ABCA10: variants seen among roughly 807,000 people sequenced by gnomAD.
The protein encoded by ABCA10 is ATP binding cassette subfamily A member 10, also known as ATP-binding cassette sub-family A member 10.
A neutral mutation model predicts 187.5 loss-of-function variants in ABCA10; 169 were observed. That is an observed-to-expected ratio of 0.90 (90% confidence interval 0.80 to 1.02). The LOEUF is 1.02. Ranked by LOEUF, ABCA10 falls within the 50% of genes least tolerant of loss-of-function variation. ABCA10 has a pLI of 0.00. For synonymous variants in ABCA10, 574 were observed against 601.8 expected, an observed-to-expected ratio of 0.95 and a Z score of 0.68; for missense variants, 1,727 against 1,812.4, an observed-to-expected ratio of 0.95 and a Z score of 0.86.
rs1264233769 is a variant in ABCA10 at position 69,156,012 on chromosome 17, C to G, written c.3456-87G>C. On this transcript the variant is annotated intron_variant, in intron 28 of 38. Transcript: ENST00000690296. ...TAAACCCCTATAATTAAATTATTAT[C>G]CTTTTTAAAAAAGACTATCACATCA... is the stretch of plus-strand genomic sequence containing the variant. The G allele has an allele frequency of 2.2e-6, 3 of 1,391,250 alleles. No individual in the cohort carries two copies. The Admixed American group carries it at 7.1e-5, about 33-fold the overall frequency. The allele number at this position is 1,391,250 out of a possible 1,614,324, so 86.2% of individuals were successfully genotyped here.
At chr17:69,199,938 G>A (rs1281997582) in intron 10 of ABCA10, among the ~76,000 whole-genome samples, 2 of 152,122 alleles carry the variant, frequency 1.3e-5, no homozygotes, top group Non-Finnish European at 2.9e-5. Flanking sequence ...TTTCATGCAG[G>A]AGATAGGACT....
intron 1 of ABCA10, among the ~76,000 whole-genome samples, chr17:69,227,849 T>A (rs909476594): frequency 6.6e-6 from 1 of 151,912 alleles, no homozygotes; most frequent in African/African-American, 2.4e-5. Context: ...AATCTCCATT[T>A]ATGAAGTAAA....
At chr17:69,222,784 T>A in intron 3 of ABCA10, 87 bp from the exon 4 acceptor site, 2 of 1,239,732 alleles carry the variant, frequency 1.6e-6, no homozygotes, top group Non-Finnish European at 2.2e-6. Context: ...TTGTTTTATA[T>A]AAAATTAGTG....
In ABCA10 at chr17:69,188,503, CT is replaced by C. The variant is rs371268131; in HGVS notation, c.2132-625del. On this transcript the variant is annotated intron_variant, in intron 18 of 38. Coordinates refer to ENST00000690296, the MANE Select transcript of ABCA10 (RefSeq NM_001377321.1). ...CTGGTATCTAGTAGCCTCCTAAATT[CT>C]TTTTTTTCTTTCCAATTTTTATTTT... is the stretch of plus-strand genomic sequence containing the variant. Among the ~76,000 whole-genome samples the C allele has an allele frequency of 9.1e-3, 1,363 of 149,968 alleles. 17 individuals are homozygous for C. Among genetic ancestry groups the C allele is most frequent in the African/African-American group, 0.032 (1,308 of 40,642 alleles).
At chr17:69,229,015 T>C (rs2074813876), upstream of ABCA10, among the ~76,000 whole-genome samples, 1 of 152,012 alleles carries the variant, frequency 6.6e-6, no homozygotes, top group Non-Finnish European at 1.5e-5. Flanking sequence ...AAAGATAAAG[T>C]TGAACAGAGA....
At chr17:69,174,074 C>G (rs774144501) in intron 25 of ABCA10, among the ~76,000 whole-genome samples, 1 of 151,652 alleles carries the variant, frequency 6.6e-6, no homozygotes, top group Non-Finnish European at 1.5e-5. Context: ...AAAAAGAAAC[C>G]TCAAAGAACA....
chr17:69,222,794 G>T, intron 3 of ABCA10, 97 bp from the exon 4 acceptor site: 1 of 1,127,460 alleles, frequency 8.9e-7, no homozygotes, highest in Non-Finnish European at 1.2e-6. Flanking sequence ...TAAAATTAGT[G>T]GTATTATATA....
intron 22 of ABCA10, among the ~76,000 whole-genome samples, chr17:69,181,449 T>C (rs1163158759): frequency 2.0e-5 from 3 of 151,976 alleles, no homozygotes; most frequent in Non-Finnish European, 1.5e-5. Context: ...GCTCTTCTAA[T>C]GTTCTGTGTT....
intron 25 of ABCA10, among the ~76,000 whole-genome samples, chr17:69,166,314 G>C (rs1598091813): frequency 6.7e-6 from 1 of 148,584 alleles, no homozygotes; most frequent in East Asian, 2.0e-4. Flanking sequence ...GTTCTCCCAA[G>C]AAGCAGAGAA....
chr17:69,193,919 T>C lies in ABCA10; in HGVS notation c.1416A>G (p.Gly472=). 1 of 1,612,746 alleles carries C rather than the reference T, an allele frequency of 6.2e-7. No individual in the cohort carries two copies. Among genetic ancestry groups the C allele is most frequent in the Non-Finnish European group, 8.5e-7 (1 of 1,178,986 alleles). The change falls in exon 13 of 39, where the codon GGA becomes GGG. Residue 472 remains glycine (G), a synonymous_variant. Transcript: ENST00000690296. ...TDMEEIRKNI[G]FCPQFNFQFD... ...ATTGAAAATTGAACTGTGGACAAAATCCAATATTCTTTCTAATTTCTTCCA... is the reference window on the plus strand; with the variant it reads ...ATTGAAAATTGAACTGTGGACAAAACCCAATATTCTTTCTAATTTCTTCCA...
rs2074476791 is a variant in ABCA10 at position 69,193,503 on chromosome 17, C to T, written c.1631G>A (p.Gly544Glu). ...RKLTLGIAIL[G>E]DPQVLLLDEP... ...TATTTTTTCTCTCACCTGAGGATCT[C>T]CTAAGATGGCAATCCCTAGTGTTAG... Residue 544 changes from glycine (G) to glutamate (E), a missense_variant, in exon 14 of 39, where the codon GGA becomes GAA. By Grantham distance (98) the Gly-to-Glu change is moderately conservative. Coordinates refer to ENST00000690296, the MANE Select transcript of ABCA10 (RefSeq NM_001377321.1). 1 of 1,612,952 alleles carries T rather than the reference C, an allele frequency of 6.2e-7. No individual in the cohort carries two copies.
chr17:69,229,930 AT>A (rs2074819436), upstream of ABCA10, among the ~76,000 whole-genome samples: 2 of 152,054 alleles, frequency 1.3e-5, no homozygotes, highest in African/African-American at 4.8e-5. Context: ...TTTTTAAAAT[AT>A]TTTTTATTTC....
At position 69,152,471 on chromosome 17, in the gene ABCA10, G is replaced by T. The variant is rs993824419; in HGVS notation, c.4147C>A (p.Gln1383Lys). ...CTCTCCTTGTTTTTAACGGTAGCCT[G>T]AAGTATCTGCCTAAAGATAAAGTAA... ...EGQQQMWQIL[Q>K]ATVKNKERGT... The change falls in exon 35 of 39, where the codon CAG becomes AAG. Residue 1383 changes from glutamine to lysine, a missense_variant. Physicochemically the swap from Gln to Lys is moderately conservative, Grantham distance 53. Coordinates refer to ENST00000690296, the MANE Select transcript of ABCA10 (RefSeq NM_001377321.1). 6.2e-7 allele frequency: 1 copy of T among 1,612,510 alleles called. No individual in the cohort carries two copies. The highest frequency in any genetic ancestry group is 8.5e-7 in the Non-Finnish European group (1 of 1,179,418).
At chr17:69,153,642 T>G (rs770745402) in intron 32 of ABCA10, 96 bp from the exon 33 acceptor site, 58 of 1,499,808 alleles carry the variant, frequency 3.9e-5, no homozygotes, top group Non-Finnish European at 4.9e-5. Context: ...TTCTAGATAG[T>G]AAATTTAAGC....
Position 69,214,731 on chromosome 17 carries a change from T to C in ABCA10, c.979A>G (p.Thr327Ala). 6.6e-7 allele frequency: 1 copy of C among 1,515,370 alleles called. No homozygotes were observed. Among genetic ancestry groups the C allele is most frequent in the African/African-American group, 1.5e-5 (1 of 68,008 alleles). 93.9% of individuals were successfully genotyped at this position (1,515,370 alleles called of 1,614,324 possible). A position where few individuals can be genotyped will look rare whatever the true frequency, so the allele number is the denominator to read the frequency against. The part of the protein sequence containing the change: ...AFDTLFYLIF[T>A]LYFERVLPDK... ...GGTAAAACTCGCTCAAAATATAATG[T>C]GAATATCAAATAGAAAAGAGTATCA... The change falls in exon 9 of 39, where the codon ACA (threonine) becomes GCA (alanine). Residue 327 changes from threonine (T) to alanine (A), a missense_variant. Thr to Ala is a moderately conservative substitution (Grantham distance 58). Coordinates refer to ENST00000690296, the MANE Select transcript of ABCA10 (RefSeq NM_001377321.1).
rs748448098 is a variant in ABCA10 at position 69,149,016 on chromosome 17, G to C, written c.4533+17C>G. 3.7e-6 allele frequency: 6 copies of C among 1,613,702 alleles called. No homozygotes were observed. The highest frequency in any genetic ancestry group is 1.3e-5 in the African/African-American group (1 of 74,890). The stretch of plus-strand genomic sequence containing the variant: ...GAGGTCATCTGGATGGTGCTCACTC[G>C]TTCAATGAAAACCCACCTGCTCCAA... On this transcript the variant is annotated intron_variant, in intron 38 of 38. Transcript: ENST00000690296.
intron 32 of ABCA10, 139 bp from the exon 33 acceptor site, chr17:69,153,685 T>C (rs944262286): frequency 3.5e-6 from 5 of 1,436,856 alleles, no homozygotes; most frequent in South Asian, 1.4e-5. Flanking sequence ...CTAAATCTTA[T>C]GATTTGGTTC....
At chr17:69,177,967 A>ATATATATATATATATATATATATGTT (rs1472912673) in intron 22 of ABCA10, among the ~76,000 whole-genome samples, 3 of 78,694 alleles carry the variant, frequency 3.8e-5, no homozygotes, top group Non-Finnish European at 1.1e-4. Flanking sequence ...AAAAAAAAAA[A>ATATATATATATATATATATATATGTT]AAAAAAATAT....
chr17:69,178,964 C>T (rs2144785637), intron 22 of ABCA10: 1 of 152,204 alleles, frequency 6.6e-6, no homozygotes, highest in Non-Finnish European at 1.5e-5. Flanking sequence ...AAATTGCTTC[C>T]TTGACAAGCC....
Sources: allele counts gnomAD v4.1 joint callset (sites outside exome capture counted in the v4.1 genomes callset), GRCh38; gene constraint gnomAD v4.1.1; transcripts MANE v1.5; gene names NCBI Gene and HGNC (gene_info 2026-07-23, HGNC 2026-07-21).